Variants in KAZN observed in about 807,000 individuals in gnomAD.
The protein encoded by KAZN is kazrin.
Under a neutral mutation model 87.4 loss-of-function variants are expected in KAZN, and 40 were observed. That is an observed-to-expected ratio of 0.46 (90% confidence interval 0.36 to 0.60). The LOEUF is 0.60. KAZN is among the 20% of genes least tolerant of loss of function. The probability of loss-of-function intolerance (pLI) is 0.00; values close to 1 mark genes in which losing one functional copy is unlikely to be tolerated. For missense variants in KAZN, 898 were observed against 1,073.9 expected, an observed-to-expected ratio of 0.84 and a Z score of 2.29; for synonymous variants, 466 against 458.3, an observed-to-expected ratio of 1.02 and a Z score of -0.22.
chr1:14,358,762 A>T (rs186947662), intron 2 of KAZN, among the ~76,000 whole-genome samples: 2 of 152,142 alleles, frequency 1.3e-5, no homozygotes, highest in Non-Finnish European at 2.9e-5. Context: ...CCTGAGTTCT[A>T]ATTTGATAGC....
At position 14,635,606 on chromosome 1, in the gene KAZN, G is replaced by A. The variant is rs574782525; in HGVS notation, c.226+36383G>A. On this transcript the variant is annotated intron_variant, in intron 1 of 14. Coordinates refer to ENST00000376030, the MANE Select transcript of KAZN (RefSeq NM_201628.3). ...ATGATGATGTCTCTTAGGCTGCCCC[G>A]AGCAATTCTTTCCCTCTGCCACGTT... 1.7e-4 allele frequency among the ~76,000 whole-genome samples: 26 copies of A among 152,290 alleles called. 1 individual carries two copies. In the South Asian group the frequency reaches 3.5e-3, roughly 21 times the overall value.
At chr1:14,782,894 G>A (rs140284626) in intron 1 of KAZN, among the ~76,000 whole-genome samples, 3 of 152,190 alleles carry the variant, frequency 2.0e-5, no homozygotes, top group African/African-American at 7.2e-5. Context: ...TCTGTAGAGG[G>A]CTAATTTTTC....
intron 1 of KAZN, among the ~76,000 whole-genome samples, chr1:13,941,016 G>A (rs1226872067): frequency 6.6e-6 from 1 of 152,080 alleles, no homozygotes; most frequent in Non-Finnish European, 1.5e-5. Flanking sequence ...CCAACATGGT[G>A]AAACTCGTTT....
chr1:14,416,291 G>A (rs1048125148), intron 2 of KAZN, among the ~76,000 whole-genome samples: 1 of 152,168 alleles, frequency 6.6e-6, no homozygotes, highest in African/African-American at 2.4e-5. Context: ...CTACAGAACA[G>A]GACTTGGCAC....
intron 1 of KAZN, among the ~76,000 whole-genome samples, chr1:13,960,256 C>A (rs1023179362): frequency 1.3e-5 from 2 of 152,158 alleles, no homozygotes; most frequent in Admixed American, 6.5e-5. Flanking sequence ...CCTACAAGGA[C>A]GGCACTATCA....
At chr1:14,142,169 C>A (rs1029561661) in intron 1 of KAZN, among the ~76,000 whole-genome samples, 25 of 149,844 alleles carry the variant, frequency 1.7e-4, no homozygotes, top group African/African-American at 4.2e-4. Flanking sequence ...CAGGCTGAAC[C>A]TAAGACCCCA....
intron 1 of KAZN, among the ~76,000 whole-genome samples, chr1:14,905,030 G>C (rs537118094): frequency 1.3e-5 from 2 of 152,154 alleles, no homozygotes; most frequent in African/African-American, 4.8e-5. Flanking sequence ...CAAAGTGCTG[G>C]GATTACAGGC....
chr1:14,163,753 C>A (rs571298145), intron 1 of KAZN, among the ~76,000 whole-genome samples: 1 of 152,342 alleles, frequency 6.6e-6, no homozygotes. Flanking sequence ...CTGCCCTGCA[C>A]GTGTCTGCCT....
upstream of KAZN, among the ~76,000 whole-genome samples, chr1:14,596,337 C>T (rs1042604079): frequency 4.6e-5 from 7 of 151,278 alleles, no homozygotes; most frequent in East Asian, 1.9e-4. Flanking sequence ...CACACACACA[C>T]GGCCCTCTAA....
chr1:15,055,294 TG>T (rs1674830309), intron 4 of KAZN, among the ~76,000 whole-genome samples: 1 of 152,132 alleles, frequency 6.6e-6, no homozygotes, highest in Non-Finnish European at 1.5e-5. Flanking sequence ...CTGGCCAACA[TG>T]GTGAAACCCC....
chr1:14,258,218 CTTTT>C (rs70997128), intron 2 of KAZN, among the ~76,000 whole-genome samples: 3 of 126,450 alleles, frequency 2.4e-5, no homozygotes, highest in African/African-American at 6.0e-5. Flanking sequence ...TTCTTTCTTT[CTTTT>C]TTTTTTTTTT....
chr1:15,062,474 C>T (rs570817319), intron 6 of KAZN: 3 of 152,682 alleles, frequency 2.0e-5, no homozygotes, highest in Admixed American at 6.5e-5. Flanking sequence ...CAGGAAGAGC[C>T]CAAAAATAGC....
chr1:14,243,792 G>A (rs568179294), intron 2 of KAZN, among the ~76,000 whole-genome samples: 11 of 152,274 alleles, frequency 7.2e-5, no homozygotes, highest in Admixed American at 6.5e-4. Flanking sequence ...GAGGGGAAAG[G>A]AGTGTCTAAT....
In KAZN at chr1:14,825,709, A is replaced by G. The variant is rs150724566; in HGVS notation, c.227-134975A>G. Among the ~76,000 whole-genome samples the G allele has an allele frequency of 1.7e-4, 26 of 152,260 alleles. 1 individual carries two copies. Among genetic ancestry groups the G allele is most frequent in the African/African-American group, 5.8e-4 (24 of 41,546 alleles). ...CTAAAGCCTGTGCACTTAATCCCCA[A>G]GCTGCATTCATCCCATTGTCGCCTG... is the stretch of plus-strand genomic sequence containing the variant. On this transcript the variant is annotated intron_variant, in intron 1 of 14. Coordinates refer to ENST00000376030, the MANE Select transcript of KAZN (RefSeq NM_201628.3).
chr1:14,375,810 C>A (rs1660861994), intron 2 of KAZN, among the ~76,000 whole-genome samples: 1 of 152,152 alleles, frequency 6.6e-6, no homozygotes, highest in South Asian at 2.1e-4. Context: ...ATGGCATGAA[C>A]CCGGGAGGCG....
At chr1:13,962,086 C>T (rs1250973891) in intron 1 of KAZN, among the ~76,000 whole-genome samples, 2 of 152,148 alleles carry the variant, frequency 1.3e-5, no homozygotes. Context: ...AACATTTGTC[C>T]TCTTTTTCCT....
intron 1 of KAZN, among the ~76,000 whole-genome samples, chr1:14,638,581 A>AAAAAAAAAAAAC (rs770402859): frequency 0.17 from 6,623 of 39,364 alleles, 207 homozygotes; most frequent in African/African-American, 0.2. Context: ...AAAAAAAACA[A>AAAAAAAAAAAAC]AAAAAAAAAA....
intron 1 of KAZN, among the ~76,000 whole-genome samples, chr1:14,875,407 T>C (rs1296893276): frequency 6.6e-6 from 1 of 150,390 alleles, no homozygotes; most frequent in African/African-American, 2.4e-5. Flanking sequence ...GTTTATTTGG[T>C]TGTTGTTATC....
chr1:13,962,497 C>T (rs1641791164), intron 1 of KAZN, among the ~76,000 whole-genome samples: 1 of 152,158 alleles, frequency 6.6e-6, no homozygotes, highest in African/African-American at 2.4e-5. Flanking sequence ...CAGAGGCTCT[C>T]ACTTGCATCA....
Sources: allele counts gnomAD v4.1 joint callset (sites outside exome capture counted in the v4.1 genomes callset), GRCh38; gene constraint gnomAD v4.1.1; transcripts MANE v1.5; gene names NCBI Gene and HGNC (gene_info 2026-07-23, HGNC 2026-07-21).